DNAH11: variants seen among roughly 807,000 people sequenced by gnomAD.
The protein encoded by DNAH11 is axonemal beta dynein heavy chain 11.
DNAH11 carries 442 observed loss-of-function variants against 526.0 expected under a neutral mutation model. The ratio of observed to expected loss-of-function variants is 0.84; its 90% CI spans 0.78 to 0.91. DNAH11 has a LOEUF of 0.91. Among genes scored for constraint, DNAH11 ranks in the 40% least tolerant of loss-of-function variants. DNAH11 has a pLI of 0.00. For synonymous variants in DNAH11, 2,461 were observed against 1,935.9 expected, an observed-to-expected ratio of 1.27 and a Z score of -7.12; for missense variants, 6,989 against 5,448.7, an observed-to-expected ratio of 1.28 and a Z score of -8.90.
In DNAH11 at chr7:21,842,643, A is replaced by C; in HGVS notation, c.10791A>C (p.Gln3597His). 6.2e-7 allele frequency: 1 copy of C among 1,613,988 alleles called. No homozygotes were observed. The highest frequency in any genetic ancestry group is 8.5e-7 in the Non-Finnish European group (1 of 1,179,870). The change falls in exon 66 of 82, where the codon CAA becomes CAC. Residue 3597 changes from glutamine to histidine, a missense_variant. Coordinates refer to ENST00000409508, the MANE Select transcript of DNAH11 (RefSeq NM_001277115.2). ...ATCCTCACTATAAGCCGGAATTACA[A>C]GCTCAGACAACTCTCCTCAATTTCA... Reference protein sequence around the residue: ...LANPHYKPELQAQTTLLNFTV... With the variant: ...LANPHYKPELHAQTTLLNFTV...
At chr7:21,821,717 G>T (rs79444307) in intron 65 of DNAH11, among the ~76,000 whole-genome samples, 7,882 of 152,074 alleles carry the variant, frequency 0.052, 241 homozygotes, top group Middle Eastern at 0.13. Flanking sequence ...AAACATTACA[G>T]TTCTTCTCTT....
intron 6 of DNAH11, among the ~76,000 whole-genome samples, chr7:21,567,055 G>T (rs1292076745): frequency 1.3e-5 from 2 of 152,102 alleles, no homozygotes. Flanking sequence ...TGGTCAAAGG[G>T]TACAATCTTT....
chr7:21,769,760 A>T (rs994569297), intron 55 of DNAH11, among the ~76,000 whole-genome samples: 4 of 152,134 alleles, frequency 2.6e-5, no homozygotes, highest in Admixed American at 2.6e-4. Flanking sequence ...GCTGGATTAC[A>T]GGCATGAGCC....
chr7:21,814,332 AT>A (rs1381321393), intron 63 of DNAH11, among the ~76,000 whole-genome samples: 1 of 121,612 alleles, frequency 8.2e-6, no homozygotes, highest in East Asian at 3.1e-4. Flanking sequence ...CACAAAATTT[AT>A]TTTATTTATT....
At chr7:21,835,469 C>G (rs1781958319) in intron 65 of DNAH11, among the ~76,000 whole-genome samples, 1 of 152,070 alleles carries the variant, frequency 6.6e-6, no homozygotes, top group African/African-American at 2.4e-5. Context: ...ATACACAAAT[C>G]AATAAATGTG....
intron 1 of DNAH11, 90 bp from the exon 2 acceptor site, chr7:21,544,916 C>A: frequency 8.7e-7 from 1 of 1,146,502 alleles, no homozygotes; most frequent in Non-Finnish European, 1.2e-6. Context: ...TTTGTTTCTT[C>A]TGCTAGCAAT....
chr7:21,690,811 A>T lies in DNAH11; in HGVS notation c.5971A>T (p.Ile1991Leu). 1.2e-6 allele frequency: 2 copies of T among 1,611,606 alleles called. No individual in the cohort carries two copies. The highest frequency in any genetic ancestry group is 2.2e-5 in the South Asian group (2 of 90,176). ...EAITLKPSVG[I>L]FITMNPGYAG... ...TATCACACTGAAGCCATCAGTTGGA[A>T]TATTTATTACTATGAACCCGGGTTA... Residue 1991 changes from isoleucine (I) to leucine (L), a missense_variant, in exon 35 of 82, where the codon ATA becomes TTA. Physicochemically the swap from Ile to Leu is conservative, Grantham distance 5. Coordinates refer to ENST00000409508, the MANE Select transcript of DNAH11 (RefSeq NM_001277115.2).
intron 51 of DNAH11, 128 bp from the exon 52 acceptor site, chr7:21,748,452 G>C: frequency 9.3e-7 from 1 of 1,080,156 alleles, no homozygotes; most frequent in Non-Finnish European, 1.2e-6. Context: ...TCGCGCCACT[G>C]CACTCCGGCC....
At chr7:21,559,026 T>C in intron 3 of DNAH11, 28 bp downstream of exon 3, 1 of 1,542,136 alleles carries the variant, frequency 6.5e-7, no homozygotes, top group Middle Eastern at 1.7e-4. Context: ...ATATACAGGA[T>C]ATTAAAGTAG....
chr7:21,823,722 T>A (rs1263072530), intron 65 of DNAH11, among the ~76,000 whole-genome samples: 2 of 152,162 alleles, frequency 1.3e-5, no homozygotes, highest in Non-Finnish European at 2.9e-5. Flanking sequence ...ACATAAAACT[T>A]TTATTTCTGT....
Position 21,601,603 on chromosome 7 carries a change from C to G in DNAH11, c.3633C>G (p.Val1211=), listed in dbSNP as rs1172314293. ...ATGGCCAGAAGATGCCTGAGCAGGTCTATATTCAGCTAGAGGTAAGTGCAG... is the reference window on the plus strand; with the variant it reads ...ATGGCCAGAAGATGCCTGAGCAGGTGTATATTCAGCTAGAGGTAAGTGCAG... ...ESYGQKMPEQ[V]YIQLEELPER... Residue 1211 remains valine (V), a synonymous_variant, in exon 18 of 82, where the codon GTC becomes GTG. Transcript: ENST00000409508. 6.3e-7 allele frequency: 1 copy of G among 1,578,698 alleles called. No homozygotes were observed. The highest frequency in any genetic ancestry group is 1.8e-5 in the Admixed American group (1 of 55,980).
chr7:21,634,764 A>G (rs1358338631), intron 25 of DNAH11, among the ~76,000 whole-genome samples: 1 of 152,052 alleles, frequency 6.6e-6, no homozygotes, highest in Admixed American at 6.5e-5. Flanking sequence ...CTCCCATAAC[A>G]TGCAATTTAC....
At chr7:21,786,328 G>GTGTGTGTGTGTGTT (rs1338625363) in intron 58 of DNAH11, among the ~76,000 whole-genome samples, 1 of 151,734 alleles carries the variant, frequency 6.6e-6, no homozygotes, top group Non-Finnish European at 1.5e-5. Flanking sequence ...GTGTGTGTGT[G>GTGTGTGTGTGTGTT]TATCCTGGCC....
intron 45 of DNAH11, among the ~76,000 whole-genome samples, chr7:21,730,150 TAGTG>T (rs1245682989): frequency 6.6e-6 from 1 of 152,100 alleles, no homozygotes; most frequent in Non-Finnish European, 1.5e-5. Flanking sequence ...GAAACAAAAT[TAGTG>T]AGTCAGAGAG....
At chr7:21,839,013 G>C (rs1345231744) in intron 65 of DNAH11, among the ~76,000 whole-genome samples, 1 of 152,036 alleles carries the variant, frequency 6.6e-6, no homozygotes, top group Non-Finnish European at 1.5e-5. Flanking sequence ...TACTGTCTTT[G>C]CTTTTTTATT....
chr7:21,659,478 C>T (rs147491837), intron 30 of DNAH11, among the ~76,000 whole-genome samples: 1 of 151,850 alleles, frequency 6.6e-6, no homozygotes, highest in East Asian at 1.9e-4. Context: ...ATTTTGAATT[C>T]TATTTTATTG....
At chr7:21,584,401 G>A (rs534586619) in intron 9 of DNAH11, among the ~76,000 whole-genome samples, 1 of 152,206 alleles carries the variant, frequency 6.6e-6, no homozygotes, top group East Asian at 1.9e-4. Context: ...ACACAGAGAG[G>A]GGAACATCAC....
At position 21,738,839 on chromosome 7, in the gene DNAH11, T is replaced by A. The variant is rs1355779033; in HGVS notation, c.7784T>A (p.Ile2595Asn). The A allele has an allele frequency of 6.2e-7, 1 of 1,603,654 alleles. No homozygotes were observed. Among genetic ancestry groups the A allele is most frequent in the Non-Finnish European group, 8.5e-7 (1 of 1,175,676 alleles). Reference protein sequence around the residue: ...LYGTVQPHTLIRQHIDYGHWY... With the variant: ...LYGTVQPHTLNRQHIDYGHWY... Reference sequence around the variant, plus strand: ...GGCACCGTTCAGCCTCACACCCTGATCCGGCAGCATATTGATTATGGACAT... The same window carrying A: ...GGCACCGTTCAGCCTCACACCCTGAACCGGCAGCATATTGATTATGGACAT... The change falls in exon 47 of 82, where the codon ATC becomes AAC. Residue 2595 changes from isoleucine to asparagine, a missense_variant. Physicochemically the swap from Ile to Asn is moderately radical, Grantham distance 149 (BLOSUM62 -3). Transcript: ENST00000409508.
intron 30 of DNAH11, among the ~76,000 whole-genome samples, chr7:21,667,286 A>T (rs1188356928): frequency 6.6e-6 from 1 of 152,136 alleles, no homozygotes; most frequent in Non-Finnish European, 1.5e-5. Context: ...TGTCATAAAT[A>T]TGTCTTGACT....
Sources: gnomAD v4.1 joint callset for allele counts (sites outside exome capture counted in the v4.1 genomes callset) on GRCh38, gnomAD v4.1.1 for gene constraint, MANE v1.5 for transcripts, NCBI Gene and HGNC (gene_info 2026-07-23, HGNC 2026-07-21) for gene names.